Variants in PTPRD observed in about 807,000 individuals in gnomAD.
The protein encoded by PTPRD is protein tyrosine phosphatase receptor type D.
Under a neutral mutation model 214.5 loss-of-function variants are expected in PTPRD, and 34 were observed. That is an observed-to-expected ratio of 0.16 (90% CI 0.12 to 0.21). The LOEUF is 0.21. Ranked by LOEUF, PTPRD falls within the 10% of genes least tolerant of loss-of-function variation. The pLI, the probability that PTPRD is intolerant of heterozygous loss-of-function variation, is 1.00. For missense variants in PTPRD, 2,545 were observed against 2,398.7 expected (o/e 1.06, Z -1.27); for synonymous variants, 1,128 against 845.7 (o/e 1.33, Z -5.79).
rs1048232547 is a variant in PTPRD at position 8,335,255 on chromosome 9, C to A, written c.5380-3519G>T. Among the ~76,000 whole-genome samples, 6 of 147,530 alleles carry A rather than the reference C, an allele frequency of 4.1e-5. No individual in the cohort carries two copies. The South Asian group carries it at 1.3e-3, about 31-fold the overall frequency. On this transcript the variant is annotated intron_variant, in intron 43 of 45. Coordinates refer to ENST00000381196, the MANE Select transcript of PTPRD (RefSeq NM_002839.4). ...TCGATGCCAAAATCCTCAGTACTGG[C>A]AAACCGAATCCAGCAGCACATCAAA...
intron 4 of PTPRD, among the ~76,000 whole-genome samples, chr9:9,953,965 T>C (rs552273515): frequency 1.8e-4 from 27 of 152,132 alleles, no homozygotes; most frequent in African/African-American, 5.8e-4. Context: ...TTCCATCCAT[T>C]TGCTACCTTG....
intron 3 of PTPRD, among the ~76,000 whole-genome samples, chr9:10,082,159 C>A (rs2098249474): frequency 6.6e-6 from 1 of 152,090 alleles, no homozygotes; most frequent in Non-Finnish European, 1.5e-5. Flanking sequence ...ATCTTCTAAG[C>A]AATTTCACAA....
intron 3 of PTPRD, among the ~76,000 whole-genome samples, chr9:10,325,385 T>G (rs1001164708): frequency 2.0e-5 from 3 of 151,998 alleles, no homozygotes; most frequent in African/African-American, 7.2e-5. Flanking sequence ...TTTTGTTTTT[T>G]GGGGAAGATG....
intron 8 of PTPRD, among the ~76,000 whole-genome samples, chr9:9,405,551 G>T (rs920320047): frequency 6.6e-6 from 1 of 152,000 alleles, no homozygotes; most frequent in African/African-American, 2.4e-5. Flanking sequence ...ATTAGCCTGG[G>T]TAAATCTACT....
At chr9:8,621,368 G>T (rs1337808) in intron 14 of PTPRD, among the ~76,000 whole-genome samples, 110,988 of 151,842 alleles carry the variant, frequency 0.73, 42,026 homozygotes, top group African/African-American at 0.93. Context: ...ACCATTATGC[G>T]GTAAAGTAAT....
chr9:10,029,020 C>T (rs1267871076), intron 4 of PTPRD, among the ~76,000 whole-genome samples: 2 of 152,142 alleles, frequency 1.3e-5, no homozygotes, highest in Non-Finnish European at 2.9e-5. Flanking sequence ...TGTGTCCCAG[C>T]TGCTCCAGTT....
intron 12 of PTPRD, among the ~76,000 whole-genome samples, chr9:8,644,556 C>A (rs1045675936): frequency 6.6e-6 from 1 of 152,166 alleles, no homozygotes; most frequent in Admixed American, 6.5e-5. Context: ...CTTTGAGGAC[C>A]CCAGACCTGG....
intron 11 of PTPRD, among the ~76,000 whole-genome samples, chr9:8,853,027 A>C (rs1236206083): frequency 6.6e-6 from 1 of 152,212 alleles, no homozygotes; most frequent in Non-Finnish European, 1.5e-5. Context: ...AGTCCTAAAA[A>C]TATTTTATAA....
At chr9:9,409,280 G>A (rs1209690458) in intron 8 of PTPRD, among the ~76,000 whole-genome samples, 3 of 151,782 alleles carry the variant, frequency 2.0e-5, no homozygotes, top group Non-Finnish European at 2.9e-5. Context: ...ATATCCAATA[G>A]CAAGCTTTAA....
intron 11 of PTPRD, among the ~76,000 whole-genome samples, chr9:8,888,558 G>A (rs1057324822): frequency 3.1e-4 from 47 of 152,168 alleles, no homozygotes; most frequent in African/African-American, 9.4e-4. Context: ...CATAAGAGGG[G>A]CTTTTATGAA....
At chr9:8,768,228 T>C (rs2154481588) in intron 11 of PTPRD, among the ~76,000 whole-genome samples, 1 of 152,256 alleles carries the variant, frequency 6.6e-6, no homozygotes, top group African/African-American at 2.4e-5. Flanking sequence ...GACCCCCATC[T>C]TGATTAAAAA....
intron 3 of PTPRD, among the ~76,000 whole-genome samples, chr9:10,259,008 T>C (rs1311516798): frequency 6.6e-6 from 1 of 152,086 alleles, no homozygotes; most frequent in East Asian, 1.9e-4. Flanking sequence ...TTGTTTCTTT[T>C]GTTTTGTTTT....
At position 9,088,030 on chromosome 9, in the gene PTPRD, C is replaced by T. The variant is rs567750394; in HGVS notation, c.-142-69295G>A. Among the ~76,000 whole-genome samples the T allele has an allele frequency of 6.7e-4, 102 of 151,420 alleles. 1 individual carries two copies. The highest frequency in any genetic ancestry group is 2.2e-3 in the African/African-American group (92 of 41,322). ...CTGAGTAGCTGGAATTACAAGCGTG[C>T]ACCACCATGCCTGGCTGATTTTTGT... On this transcript the variant is annotated intron_variant, in intron 10 of 45. Coordinates refer to ENST00000381196, the MANE Select transcript of PTPRD (RefSeq NM_002839.4).
chr9:9,794,820 C>G (rs916237204), intron 5 of PTPRD, among the ~76,000 whole-genome samples: 2 of 152,118 alleles, frequency 1.3e-5, no homozygotes, highest in African/African-American at 4.8e-5. Context: ...AAACTGCCAA[C>G]CTGACTAGAA....
intron 9 of PTPRD, among the ~76,000 whole-genome samples, chr9:9,345,198 T>G (rs1039716669): frequency 6.6e-6 from 1 of 152,306 alleles, no homozygotes. Flanking sequence ...ATGAATATTC[T>G]TCCTTACTGA....
At chr9:9,932,336 T>A in intron 5 of PTPRD, among the ~76,000 whole-genome samples, 1 of 141,880 alleles carries the variant, frequency 7.0e-6, no homozygotes, top group Non-Finnish European at 1.5e-5. Context: ...TGAAAAAAAT[T>A]TAGAAGAATG....
chr9:9,112,057 C>T (rs1451247953), intron 10 of PTPRD, among the ~76,000 whole-genome samples: 1 of 152,166 alleles, frequency 6.6e-6, no homozygotes, highest in Non-Finnish European at 1.5e-5. Context: ...ACCTCCTCTG[C>T]TTTTACTGCT....
At chr9:10,205,699 C>A (rs1372775245) in intron 3 of PTPRD, among the ~76,000 whole-genome samples, 1 of 152,122 alleles carries the variant, frequency 6.6e-6, no homozygotes, top group Non-Finnish European at 1.5e-5. Flanking sequence ...GCCACCATGC[C>A]CGGCCTGCTT....
chr9:10,447,213 G>C (rs186065483), intron 2 of PTPRD, among the ~76,000 whole-genome samples: 1 of 151,948 alleles, frequency 6.6e-6, no homozygotes, highest in Non-Finnish European at 1.5e-5. Flanking sequence ...TTCAGCCTGC[G>C]TGCAGCAAAA....
Sources: gnomAD v4.1 joint callset for allele counts (sites outside exome capture counted in the v4.1 genomes callset) on GRCh38, gnomAD v4.1.1 for gene constraint, MANE v1.5 for transcripts, NCBI Gene and HGNC (gene_info 2026-07-23, HGNC 2026-07-21) for gene names.